The following EIF3H variants were observed in gnomAD, a reference collection of about 807,000 sequenced individuals.
EIF3H encodes the protein eIF-3-gamma.
In EIF3H, 26 loss-of-function variants were observed where a neutral mutation model predicts 44.2. The ratio of observed to expected loss-of-function variants is 0.59; its 90% CI spans 0.43 to 0.82. The LOEUF (loss-of-function observed/expected upper bound fraction) is 0.82. Ranked by LOEUF, EIF3H falls within the 40% of genes least tolerant of loss-of-function variation. The pLI is 0.00. For synonymous variants in EIF3H, 166 were observed against 151.9 expected (o/e 1.09, Z -0.68); for missense variants, 359 against 432.8 (o/e 0.83, Z 1.51).
intron 2 of EIF3H, among the ~76,000 whole-genome samples, chr8:116,667,687 G>A (rs1671190063): frequency 6.6e-6 from 1 of 152,158 alleles, no homozygotes; most frequent in Non-Finnish European, 1.5e-5. Flanking sequence ...CAAAAGTGTG[G>A]TGATAATAAA....
At chr8:116,755,924 C>T (rs144509659), upstream of EIF3H, 3,137 of 1,540,924 alleles carry the variant, frequency 2.0e-3, 2 homozygotes, top group Non-Finnish European at 2.6e-3. Flanking sequence ...AAATTGGGCC[C>T]CGCCTCCCTC....
intron 1 of EIF3H, among the ~76,000 whole-genome samples, chr8:116,765,294 G>A (rs1174988370): frequency 1.3e-5 from 2 of 152,164 alleles, no homozygotes; most frequent in African/African-American, 4.8e-5. Flanking sequence ...TCTAAGTGAT[G>A]TGCTGGGACT....
At chr8:116,683,025 C>T (rs1206546190) in intron 2 of EIF3H, among the ~76,000 whole-genome samples, 1 of 152,134 alleles carries the variant, frequency 6.6e-6, no homozygotes, top group Middle Eastern at 3.2e-3. Flanking sequence ...TTACAGATGG[C>T]ATCATAAAAC....
At chr8:116,739,564 G>A (rs1815097585) in intron 1 of EIF3H, among the ~76,000 whole-genome samples, 4 of 152,210 alleles carry the variant, frequency 2.6e-5, no homozygotes. Flanking sequence ...GCAGGAGAAT[G>A]GTGTGAACCT....
chr8:116,688,569 A>T (rs1032670824), intron 2 of EIF3H, among the ~76,000 whole-genome samples: 1 of 152,160 alleles, frequency 6.6e-6, no homozygotes, highest in African/African-American at 2.4e-5. Flanking sequence ...ATGCATGTAA[A>T]CACTGCTGCA....
At chr8:116,686,904 A>G (rs1337239554) in intron 2 of EIF3H, among the ~76,000 whole-genome samples, 3 of 152,196 alleles carry the variant, frequency 2.0e-5, no homozygotes, top group Non-Finnish European at 4.4e-5. Flanking sequence ...CTTATACTAT[A>G]TATAGGAGAA....
In EIF3H at chr8:116,714,804, A is replaced by G. The variant is rs567769283; in HGVS notation, c.289+11212T>C. On this transcript the variant is annotated intron_variant, in intron 2 of 7. Coordinates refer to ENST00000521861, the MANE Select transcript of EIF3H (RefSeq NM_003756.3). The stretch of plus-strand genomic sequence containing the variant: ...AGATAGGGGGTAAGACAAAATAATA[A>G]GTAAACACATGTCTATTCACAAAAT... Among the ~76,000 whole-genome samples the G allele has an allele frequency of 2.6e-5, 4 of 152,248 alleles. No individual in the cohort carries two copies. In the East Asian group the frequency reaches 7.7e-4, roughly 29 times the overall value.
At chr8:116,685,451 T>A (rs1182411010) in intron 2 of EIF3H, among the ~76,000 whole-genome samples, 1 of 152,188 alleles carries the variant, frequency 6.6e-6, no homozygotes, top group Non-Finnish European at 1.5e-5. Flanking sequence ...ATAAGTATAC[T>A]TCGGTTCAGA....
chr8:116,651,819 G>A (rs1813399036), intron 5 of EIF3H, among the ~76,000 whole-genome samples: 1 of 152,192 alleles, frequency 6.6e-6, no homozygotes, highest in Non-Finnish European at 1.5e-5. Context: ...CGGTCAAAGT[G>A]CAATGACTTA....
chr8:116,674,933 G>A (rs1249577450), intron 2 of EIF3H, among the ~76,000 whole-genome samples: 3 of 152,096 alleles, frequency 2.0e-5, no homozygotes, highest in African/African-American at 7.2e-5. Flanking sequence ...TGCTACTACA[G>A]TGAGACTTCT....
intron 2 of EIF3H, among the ~76,000 whole-genome samples, chr8:116,676,149 G>T (rs530503161): frequency 4.6e-5 from 7 of 152,192 alleles, no homozygotes; most frequent in Admixed American, 2.6e-4. Flanking sequence ...ACGCAATTAA[G>T]ATCTTGAAGT....
intron 5 of EIF3H, among the ~76,000 whole-genome samples, chr8:116,649,643 T>G (rs1177103270): frequency 7.9e-5 from 12 of 152,194 alleles, no homozygotes; most frequent in Admixed American, 7.9e-4. Flanking sequence ...AGCAAGCTTC[T>G]AAAGAGTAGT....
chr8:116,718,063 C>A (rs920469272), intron 2 of EIF3H, among the ~76,000 whole-genome samples: 1 of 151,832 alleles, frequency 6.6e-6, no homozygotes, highest in African/African-American at 2.4e-5. Flanking sequence ...ACAATTGCAT[C>A]AAAAAGTGGG....
intron 2 of EIF3H, among the ~76,000 whole-genome samples, chr8:116,715,514 C>T (rs1814647475): frequency 6.6e-6 from 1 of 152,026 alleles, no homozygotes; most frequent in Non-Finnish European, 1.5e-5. Flanking sequence ...GTTTTGAAAT[C>T]AACCTATTTT....
At position 116,644,636 on chromosome 8, in the gene EIF3H, G is replaced by T. The variant is rs1813270818; in HGVS notation, c.*370C>A. On this transcript the variant is annotated 3_prime_UTR_variant, in exon 8 of 8. Coordinates refer to ENST00000521861, the MANE Select transcript of EIF3H (RefSeq NM_003756.3). ...TCACAGTAGATGCCAGGGCCTCGGG[G>T]TCAGGAGCTGGGATAAGTAGTTGGG... is the stretch of plus-strand genomic sequence containing the variant. 3 of 181,316 alleles carry T rather than the reference G, an allele frequency of 1.7e-5. No individual in the cohort carries two copies. Among genetic ancestry groups the T allele is most frequent in the Non-Finnish European group, 1.1e-5 (1 of 87,532 alleles). The allele number at this position is 181,316 out of a possible 1,614,324, so 11.2% of individuals were successfully genotyped here.
chr8:116,760,429 A>C (rs369038554), upstream of EIF3H, among the ~76,000 whole-genome samples: 2 of 152,354 alleles, frequency 1.3e-5, no homozygotes, highest in East Asian at 1.9e-4. Flanking sequence ...GAAACTACAG[A>C]GAGTATAAAG....
Position 116,755,803 on chromosome 8 carries a change from C to T in EIF3H, c.-6G>A, listed in dbSNP as rs1815434006. On this transcript the variant is annotated 5_prime_UTR_variant, in exon 1 of 8. Transcript: ENST00000521861. ...CCTTCCTTGCGGGACGCCATCTTTC[C>T]AAGCAGACAGGAAGAAAGAGAAACG... 3 of 1,612,960 alleles carry T rather than the reference C, an allele frequency of 1.9e-6. No homozygotes were observed. Among genetic ancestry groups the T allele is most frequent in the East Asian group, 4.5e-5 (2 of 44,874 alleles).
intron 2 of EIF3H, among the ~76,000 whole-genome samples, chr8:116,697,459 A>T (rs1814288508): frequency 6.6e-6 from 1 of 152,164 alleles, no homozygotes; most frequent in South Asian, 2.1e-4. Context: ...GGGAACAAAG[A>T]AGTCCAGTCC....
At chr8:116,685,626 T>C (rs1209651483) in intron 2 of EIF3H, among the ~76,000 whole-genome samples, 1 of 152,194 alleles carries the variant, frequency 6.6e-6, no homozygotes, top group African/African-American at 2.4e-5. Context: ...GTAAAAGAAT[T>C]TGGAGCAGAA....
Sources: gnomAD v4.1 joint callset for allele counts (sites outside exome capture counted in the v4.1 genomes callset) on GRCh38, gnomAD v4.1.1 for gene constraint, MANE v1.5 for transcripts, NCBI Gene and HGNC (gene_info 2026-07-23, HGNC 2026-07-21) for gene names.